Variants in PRKG1 observed in about 807,000 individuals in gnomAD.
PRKG1 encodes protein kinase cGMP-dependent 1, also known as cGMP-dependent protein kinase 1.
Under a neutral mutation model 88.1 loss-of-function variants are expected in PRKG1, and 35 were observed. The observed-to-expected ratio is 0.40, with a 90% confidence interval of 0.30 to 0.53. The LOEUF is 0.53. Ranked by LOEUF, PRKG1 falls within the 20% of genes least tolerant of loss-of-function variation. PRKG1 has a pLI of 0.59. For missense variants in PRKG1, 540 were observed against 839.8 expected (o/e 0.64, Z 4.41); for synonymous variants, 303 against 292.5 (o/e 1.04, Z -0.37).
intron 7 of PRKG1, among the ~76,000 whole-genome samples, chr10:52,086,038 T>C (rs961649526): frequency 6.6e-6 from 1 of 152,150 alleles, no homozygotes; most frequent in Non-Finnish European, 1.5e-5. Flanking sequence ...TTGATCATGT[T>C]ATTTATTTGA....
At chr10:51,112,379 G>A (rs367980314) in intron 1 of PRKG1, among the ~76,000 whole-genome samples, 6 of 151,956 alleles carry the variant, frequency 3.9e-5, no homozygotes, top group Admixed American at 2.6e-4. Context: ...AGTATATGCC[G>A]CTTTTTCTAG....
chr10:51,284,856 T>C (rs969541885), intron 2 of PRKG1, among the ~76,000 whole-genome samples: 6 of 140,792 alleles, frequency 4.3e-5, no homozygotes, highest in Non-Finnish European at 6.1e-5. Context: ...GGCTCCAGTG[T>C]TGTGGGTACT....
At chr10:51,921,790 T>C (rs910569299) in intron 5 of PRKG1, among the ~76,000 whole-genome samples, 2 of 152,040 alleles carry the variant, frequency 1.3e-5, no homozygotes, top group Admixed American at 6.6e-5. Flanking sequence ...TAATTCTTTT[T>C]AGGCATTGTT....
chr10:51,508,989 C>G (rs187065376), intron 3 of PRKG1, among the ~76,000 whole-genome samples: 1 of 152,226 alleles, frequency 6.6e-6, no homozygotes, highest in East Asian at 1.9e-4. Context: ...TTTCAAATGA[C>G]TTTCTAGAGT....
Position 51,543,124 on chromosome 10 carries a change from T to C in PRKG1, c.592+75288T>C, listed in dbSNP as rs150634226. On this transcript the variant is annotated intron_variant, in intron 3 of 17. Transcript: ENST00000373980. ...GTTGGAAAGCTGTCTTGTAGGGTTA[T>C]GCAATAGAGTTTTGAACTTGGCCCT... Among the ~76,000 whole-genome samples the C allele has an allele frequency of 4.5e-3, 689 of 152,312 alleles. 4 individuals carry two copies. Among genetic ancestry groups the C allele is most frequent in the African/African-American group, 0.016 (656 of 41,572 alleles).
chr10:51,456,177 A>G (rs1311983613), intron 2 of PRKG1, among the ~76,000 whole-genome samples: 1 of 152,198 alleles, frequency 6.6e-6, no homozygotes, highest in Non-Finnish European at 1.5e-5. Context: ...AATCCCTTAT[A>G]AAACCATCAG....
intron 2 of PRKG1, among the ~76,000 whole-genome samples, chr10:51,425,747 A>T (rs1838560826): frequency 6.6e-6 from 1 of 152,190 alleles, no homozygotes; most frequent in African/African-American, 2.4e-5. Flanking sequence ...CCAGCCTTAT[A>T]CCTACTGATC....
At chr10:52,201,821 G>A (rs988018814) in intron 9 of PRKG1, among the ~76,000 whole-genome samples, 4 of 152,054 alleles carry the variant, frequency 2.6e-5, no homozygotes, top group Non-Finnish European at 4.4e-5. Context: ...GGTGGCTACT[G>A]TGAATGGGAT....
intron 1 of PRKG1, among the ~76,000 whole-genome samples, chr10:51,064,633 A>G (rs1033372792): frequency 3.9e-5 from 6 of 152,044 alleles, no homozygotes; most frequent in Admixed American, 3.9e-4. Context: ...AAGTCTAATA[A>G]ATTTGAAGGG....
chr10:52,169,548 G>A (rs1006984405), intron 9 of PRKG1, among the ~76,000 whole-genome samples: 1 of 152,154 alleles, frequency 6.6e-6, no homozygotes, highest in Non-Finnish European at 1.5e-5. Context: ...AATTTAGGTA[G>A]GAGGCAGTGC....
chr10:52,261,004 A>C (rs1055410449), intron 10 of PRKG1, among the ~76,000 whole-genome samples: 2 of 151,556 alleles, frequency 1.3e-5, no homozygotes, highest in South Asian at 4.2e-4. Context: ...AATTATAAAT[A>C]TTCTTTGATT....
At chr10:51,536,039 G>T (rs10458636) in intron 3 of PRKG1, among the ~76,000 whole-genome samples, 122,922 of 152,132 alleles carry the variant, frequency 0.81, 50,281 homozygotes, top group East Asian at 0.98. Context: ...CAATGCTTTT[G>T]ATAAATTAAA....
At chr10:51,418,658 T>C (rs964073742) in intron 2 of PRKG1, among the ~76,000 whole-genome samples, 1 of 152,194 alleles carries the variant, frequency 6.6e-6, no homozygotes, top group African/African-American at 2.4e-5. Context: ...AGCCAATAGC[T>C]GTTGCTATAT....
intron 3 of PRKG1, among the ~76,000 whole-genome samples, chr10:51,542,003 A>G (rs1304269509): frequency 6.6e-6 from 1 of 152,042 alleles, no homozygotes; most frequent in Non-Finnish European, 1.5e-5. Context: ...CACCAGAGAC[A>G]CTCCAGGCTC....
chr10:51,315,249 G>T lies in PRKG1; in HGVS notation c.479-152474G>T, dbSNP rs188114755. Among the ~76,000 whole-genome samples, 572 of 152,248 alleles carry T rather than the reference G, an allele frequency of 3.8e-3. 2 individuals are homozygous for T. Among genetic ancestry groups the T allele is most frequent in the African/African-American group, 0.013 (533 of 41,566 alleles). On this transcript the variant is annotated intron_variant, in intron 2 of 17. Transcript: ENST00000373980. ...ACTGATCTTCCAGCAAGTCACAATT[G>T]TAATGTATTGAAAAATTTAATGGCC...
chr10:50,997,980 T>G (rs560847768), intron 1 of PRKG1, among the ~76,000 whole-genome samples: 1 of 152,338 alleles, frequency 6.6e-6, no homozygotes, highest in South Asian at 2.1e-4. Context: ...CCCTCTAGGT[T>G]GATCCAAATC....
intron 3 of PRKG1, among the ~76,000 whole-genome samples, chr10:51,683,856 C>CA (rs1369005959): frequency 2.6e-5 from 4 of 151,992 alleles, no homozygotes; most frequent in Non-Finnish European, 4.4e-5. Context: ...AACTTTGTTA[C>CA]AAAAAAACAG....
chr10:51,108,465 A>G (rs1844901230), intron 1 of PRKG1, among the ~76,000 whole-genome samples: 1 of 152,204 alleles, frequency 6.6e-6, no homozygotes. Context: ...AAGTAAATCA[A>G]TGTAATTTAC....
At chr10:51,517,103 A>C (rs1455520236) in intron 3 of PRKG1, among the ~76,000 whole-genome samples, 1 of 152,218 alleles carries the variant, frequency 6.6e-6, no homozygotes, top group African/African-American at 2.4e-5. Flanking sequence ...CAAATTAAGA[A>C]GAGAAAAGCA....
Sources: gnomAD v4.1 joint callset for allele counts (sites outside exome capture counted in the v4.1 genomes callset) on GRCh38, gnomAD v4.1.1 for gene constraint, MANE v1.5 for transcripts, NCBI Gene and HGNC (gene_info 2026-07-23, HGNC 2026-07-21) for gene names.